The following TMEM131L variants were observed in gnomAD, a reference collection of about 807,000 sequenced individuals.
TMEM131L encodes the protein transmembrane 131 like.
TMEM131L carries 54 observed loss-of-function variants against 192.2 expected under a neutral mutation model. That is an observed-to-expected ratio of 0.28 (90% CI 0.23 to 0.35). The LOEUF (loss-of-function observed/expected upper bound fraction) is 0.35, where lower values mean the gene tolerates loss of function less well. Among genes scored for constraint, TMEM131L ranks in the 10% least tolerant of loss-of-function variants. TMEM131L has a pLI of 1.00. For synonymous variants in TMEM131L, 701 were observed against 704.9 expected, an observed-to-expected ratio of 0.99 and a Z score of 0.09; for missense variants, 1,888 against 1,972.9, an observed-to-expected ratio of 0.96 and a Z score of 0.82.
At chr4:153,593,727 C>T (rs1731230473) in intron 18 of TMEM131L, 72 bp from the exon 19 acceptor site, 1 of 967,010 alleles carries the variant, frequency 1.0e-6, no homozygotes, top group Non-Finnish European at 1.7e-6. Flanking sequence ...TATATATGTG[C>T]ACACACTTAT....
At chr4:153,489,787 T>C (rs571224104) in intron 3 of TMEM131L, among the ~76,000 whole-genome samples, 248 of 152,206 alleles carry the variant, frequency 1.6e-3, no homozygotes, top group African/African-American at 5.7e-3. Flanking sequence ...AATTTTTTTT[T>C]TTTCTTGCGG....
intron 3 of TMEM131L, among the ~76,000 whole-genome samples, chr4:153,524,256 C>T (rs1735324439): frequency 6.6e-6 from 1 of 151,866 alleles, no homozygotes; most frequent in Admixed American, 6.6e-5. Context: ...GGGCATGTAG[C>T]CCAAGGACTC....
intron 4 of TMEM131L, among the ~76,000 whole-genome samples, chr4:153,553,038 C>A (rs570077442): frequency 6.6e-6 from 1 of 151,574 alleles, no homozygotes; most frequent in African/African-American, 2.4e-5. Context: ...TGTTAATTAG[C>A]AATATACATT....
intron 4 of TMEM131L, among the ~76,000 whole-genome samples, chr4:153,552,647 A>G (rs993298325): frequency 1.3e-5 from 2 of 152,050 alleles, no homozygotes; most frequent in African/African-American, 4.8e-5. Flanking sequence ...CCTGCGCAAC[A>G]CTGTGAGACC....
At chr4:153,515,760 A>G (rs905828492) in intron 3 of TMEM131L, among the ~76,000 whole-genome samples, 1 of 152,204 alleles carries the variant, frequency 6.6e-6, no homozygotes, top group Non-Finnish European at 1.5e-5. Flanking sequence ...CCAACAGTTA[A>G]TAGATGAGTT....
intron 3 of TMEM131L, among the ~76,000 whole-genome samples, chr4:153,513,678 CTT>C (rs1734513937): frequency 6.6e-6 from 1 of 152,140 alleles, no homozygotes; most frequent in African/African-American, 2.4e-5. Context: ...TAGCCAGTGT[CTT>C]TGTGTTGGCA....
intron 3 of TMEM131L, among the ~76,000 whole-genome samples, chr4:153,531,894 C>G (rs1201071589): frequency 6.6e-6 from 1 of 152,186 alleles, no homozygotes; most frequent in Non-Finnish European, 1.5e-5. Context: ...TTCCCCACCT[C>G]TCCACCACCT....
chr4:153,581,717 C>T (rs942796560), intron 9 of TMEM131L, among the ~76,000 whole-genome samples, 157 bp downstream of exon 9: 4 of 152,210 alleles, frequency 2.6e-5, no homozygotes, highest in African/African-American at 9.7e-5. Flanking sequence ...CAACCTACAA[C>T]TGCTAAGAAG....
chr4:153,602,665 A>G lies in TMEM131L; in HGVS notation c.2577A>G (p.Ala859=). The G allele has an allele frequency of 6.2e-7, 1 of 1,614,148 alleles. No homozygotes were observed. The highest frequency in any genetic ancestry group is 8.5e-7 in the Non-Finnish European group (1 of 1,179,998). The change falls in exon 23 of 35, where the codon GCA becomes GCG. Residue 859 remains alanine, a synonymous_variant. Transcript: ENST00000409959. ...TLPHHLLPLC[A]DVVPGPSWEE... is the part of the protein sequence containing the mutation. ...CTCATCACCTGTTGCCCTTGTGTGC[A>G]GACGTGGTTCCAGGACCCAGCTGGG...
At chr4:153,621,341 T>C (rs1299656312) in intron 27 of TMEM131L, among the ~76,000 whole-genome samples, 1 of 152,140 alleles carries the variant, frequency 6.6e-6, no homozygotes, top group Non-Finnish European at 1.5e-5. Flanking sequence ...CTTGCTTCAG[T>C]CCTGCAGAAG....
At chr4:153,608,280 G>GT (rs2126509851) in intron 25 of TMEM131L, among the ~76,000 whole-genome samples, 1 of 152,258 alleles carries the variant, frequency 6.6e-6, no homozygotes, top group African/African-American at 2.4e-5. Context: ...TTCTACACTT[G>GT]TTTTTTGGCA....
chr4:153,582,433 GTTTTTTT>G (rs1038256479), intron 9 of TMEM131L, among the ~76,000 whole-genome samples: 3 of 40,326 alleles, frequency 7.4e-5, no homozygotes, highest in African/African-American at 1.4e-4. Context: ...TTTTTTTGTT[GTTTTTTT>G]TTTTTTTTTT....
chr4:153,599,970 G>T (rs539119352), intron 21 of TMEM131L, among the ~76,000 whole-genome samples: 1 of 152,160 alleles, frequency 6.6e-6, no homozygotes, highest in African/African-American at 2.4e-5. Flanking sequence ...CCCAGGAGGC[G>T]GAGGTTGCAG....
chr4:153,501,401 C>T (rs559289495), intron 3 of TMEM131L, among the ~76,000 whole-genome samples: 2 of 152,072 alleles, frequency 1.3e-5, no homozygotes, highest in Non-Finnish European at 2.9e-5. Context: ...AGGGTTTCAC[C>T]GTGTTAGCCA....
At chr4:153,579,960 G>C (rs751582924) in intron 7 of TMEM131L, among the ~76,000 whole-genome samples, 47 of 152,302 alleles carry the variant, frequency 3.1e-4, no homozygotes, top group Non-Finnish European at 5.6e-4. Context: ...CCTAGGCTTT[G>C]GAGAATGCCT....
At chr4:153,505,312 T>A (rs908339251) in intron 3 of TMEM131L, among the ~76,000 whole-genome samples, 2 of 152,048 alleles carry the variant, frequency 1.3e-5, no homozygotes, top group African/African-American at 4.8e-5. Flanking sequence ...TTCACCATAT[T>A]GGCCAGGCTG....
chr4:153,525,564 T>G (rs903183692), intron 3 of TMEM131L, among the ~76,000 whole-genome samples: 21 of 152,216 alleles, frequency 1.4e-4, no homozygotes, highest in Admixed American at 1.1e-3. Flanking sequence ...GGTCTCGAGC[T>G]CCTGACCTCA....
chr4:153,602,638 C>A lies in TMEM131L; in HGVS notation c.2550C>A (p.Leu850=). Residue 850 remains leucine, a synonymous_variant, in exon 23 of 35, where the codon CTC becomes CTA. Coordinates refer to ENST00000409959, the MANE Select transcript of TMEM131L (RefSeq NM_001131007.2). ...TTCGCTTCACTCTCAATGTGACTCT[C>A]CCTCATCACCTGTTGCCCTTGTGTG... ...LEFRFTLNVT[L]PHHLLPLCAD... 1.2e-6 allele frequency: 2 copies of A among 1,614,138 alleles called. No individual in the cohort carries two copies. The highest frequency in any genetic ancestry group is 1.7e-6 in the Non-Finnish European group (2 of 1,180,002).
rs749187236 is a variant in TMEM131L, at chr4:153,634,156, C to T, written c.4329-36C>T. ...TTTTCTTTACTTGATGTCTTGACATCCTGTTTCTGATTAGACCACTTGTTT... is the reference window on the plus strand; with the variant it reads ...TTTTCTTTACTTGATGTCTTGACATTCTGTTTCTGATTAGACCACTTGTTT... On this transcript the variant is annotated intron_variant, in intron 32 of 34. Coordinates refer to ENST00000409959, the MANE Select transcript of TMEM131L (RefSeq NM_001131007.2). 1.9e-6 allele frequency: 3 copies of T among 1,543,244 alleles called. No homozygotes were observed. In the African/African-American group the frequency reaches 4.1e-5, roughly 21 times the overall value.
Sources: gnomAD v4.1 joint callset for allele counts (sites outside exome capture counted in the v4.1 genomes callset) on GRCh38, gnomAD v4.1.1 for gene constraint, MANE v1.5 for transcripts, NCBI Gene and HGNC (gene_info 2026-07-23, HGNC 2026-07-21) for gene names.